NAALADL2: variants seen among roughly 807,000 people sequenced by gnomAD.
NAALADL2 encodes the protein N-acetylated alpha-linked acidic dipeptidase like 2.
In NAALADL2, 76 loss-of-function variants were observed where a neutral mutation model predicts 87.2. The ratio of observed to expected loss-of-function variants is 0.87; its 90% CI spans 0.72 to 1.05. The LOEUF (loss-of-function observed/expected upper bound fraction) is 1.05, where lower values mean the gene tolerates loss of function less well. Among genes scored for constraint, NAALADL2 ranks in the 50% least tolerant of loss-of-function variants. NAALADL2 has a pLI of 0.00. For synonymous variants in NAALADL2, 354 were observed against 331.0 expected, an observed-to-expected ratio of 1.07 and a Z score of -0.75; for missense variants, 1,089 against 945.8, an observed-to-expected ratio of 1.15 and a Z score of -1.99.
chr3:174,578,230 C>T (rs73172564), intron 2 of NAALADL2, among the ~76,000 whole-genome samples: 5,167 of 151,756 alleles, frequency 0.034, 120 homozygotes, highest in East Asian at 0.089. Flanking sequence ...ATATACTTGC[C>T]AAAAAATTCT....
At chr3:174,527,401 C>G (rs373840585) in intron 1 of NAALADL2, among the ~76,000 whole-genome samples, 1 of 151,732 alleles carries the variant, frequency 6.6e-6, no homozygotes, top group East Asian at 2.0e-4. Flanking sequence ...TGACTGTAAT[C>G]CCAGCTACTC....
chr3:174,991,207 G>A (rs140565708), intron 1 of NAALADL2, among the ~76,000 whole-genome samples: 3 of 152,122 alleles, frequency 2.0e-5, no homozygotes, highest in East Asian at 1.9e-4. Context: ...ATTGAGTACC[G>A]CTGTATGCCA....
chr3:174,721,516 T>G (rs577813357), intron 2 of NAALADL2, among the ~76,000 whole-genome samples: 1 of 152,248 alleles, frequency 6.6e-6, no homozygotes, highest in African/African-American at 2.4e-5. Flanking sequence ...CGACTATCCT[T>G]AAAGGAAGAT....
intron 1 of NAALADL2, among the ~76,000 whole-genome samples, chr3:175,044,993 T>C (rs1172054911): frequency 6.6e-6 from 1 of 152,050 alleles, no homozygotes; most frequent in Non-Finnish European, 1.5e-5. Context: ...GGATGATATT[T>C]CAGATGTTTA....
chr3:175,518,175 A>G (rs1425527339), intron 9 of NAALADL2, among the ~76,000 whole-genome samples: 1 of 152,190 alleles, frequency 6.6e-6, no homozygotes, highest in Non-Finnish European at 1.5e-5. Flanking sequence ...AGAAAAGAAA[A>G]TGATTTTGGG....
chr3:174,981,978 A>T (rs1398587329), intron 1 of NAALADL2, among the ~76,000 whole-genome samples: 1 of 152,310 alleles, frequency 6.6e-6, no homozygotes, highest in Admixed American at 6.5e-5. Context: ...TTTATTTAAC[A>T]TCATTTGCTG....
chr3:174,871,179 A>G (rs1175741411), intron 1 of NAALADL2, among the ~76,000 whole-genome samples: 1 of 152,212 alleles, frequency 6.6e-6, no homozygotes, highest in Non-Finnish European at 1.5e-5. Context: ...TTTTTAAACA[A>G]TTGATACTTT....
At chr3:175,460,683 G>A (rs188490149) in intron 6 of NAALADL2, among the ~76,000 whole-genome samples, 3 of 152,232 alleles carry the variant, frequency 2.0e-5, no homozygotes, top group Admixed American at 2.0e-4. Flanking sequence ...ACTGAAGACA[G>A]AATCAACAAT....
chr3:175,368,221 G>A (rs1256898692), intron 5 of NAALADL2, among the ~76,000 whole-genome samples: 1 of 152,102 alleles, frequency 6.6e-6, no homozygotes, highest in Non-Finnish European at 1.5e-5. Context: ...TGATCATGGT[G>A]GATAAGCTTT....
intron 2 of NAALADL2, among the ~76,000 whole-genome samples, chr3:175,124,128 T>A (rs1471254690): frequency 6.6e-6 from 1 of 151,956 alleles, no homozygotes; most frequent in Non-Finnish European, 1.5e-5. Context: ...AATATTTGAC[T>A]TCTTCTGTTT....
intron 9 of NAALADL2, among the ~76,000 whole-genome samples, chr3:175,515,916 T>C (rs1731774775): frequency 6.6e-6 from 1 of 152,238 alleles, no homozygotes; most frequent in African/African-American, 2.4e-5. Context: ...CTTCAATTTT[T>C]ACAGGGGAAA....
chr3:175,251,031 GAAACGAGATTTCTATAA>G (rs921439367), intron 3 of NAALADL2, among the ~76,000 whole-genome samples: 8 of 152,150 alleles, frequency 5.3e-5, no homozygotes, highest in Non-Finnish European at 1.0e-4. Context: ...CCAGATGAGG[GAAACGAGATTTCTATAA>G]AAACGAGGTT....
At chr3:175,483,747 T>C (rs1281720396) in intron 9 of NAALADL2, among the ~76,000 whole-genome samples, 3 of 152,088 alleles carry the variant, frequency 2.0e-5, no homozygotes, top group Admixed American at 1.3e-4. Context: ...AGTCTCAGCA[T>C]TGGGTACTGA....
chr3:175,176,982 G>A (rs761470349), intron 2 of NAALADL2, among the ~76,000 whole-genome samples: 3 of 152,150 alleles, frequency 2.0e-5, no homozygotes, highest in Non-Finnish European at 2.9e-5. Flanking sequence ...ACAATCATTC[G>A]TATATAGAAG....
intron 13 of NAALADL2, among the ~76,000 whole-genome samples, chr3:175,793,080 A>G (rs1450549396): frequency 6.6e-6 from 1 of 152,176 alleles, no homozygotes; most frequent in African/African-American, 2.4e-5. Flanking sequence ...CTTTTGCTTA[A>G]TTAGGACTGT....
intron 1 of NAALADL2, among the ~76,000 whole-genome samples, chr3:175,019,267 T>C (rs780345268): frequency 3.3e-5 from 5 of 152,038 alleles, no homozygotes; most frequent in Non-Finnish European, 7.4e-5. Context: ...TGTCTGCCTA[T>C]ACCTGGTAAG....
At chr3:175,377,410 T>A (rs551638601) in intron 5 of NAALADL2, among the ~76,000 whole-genome samples, 6 of 152,330 alleles carry the variant, frequency 3.9e-5, no homozygotes, top group Non-Finnish European at 8.8e-5. Flanking sequence ...TTGTTCTTAC[T>A]TTTTTCTTAG....
intron 6 of NAALADL2, among the ~76,000 whole-genome samples, chr3:175,459,743 G>C (rs1001049879): frequency 1.3e-5 from 2 of 152,138 alleles, no homozygotes; most frequent in African/African-American, 4.8e-5. Flanking sequence ...ATACCCCAGA[G>C]TGCAGGTTTG....
chr3:174,800,576 G>A (rs1322295096), intron 3 of NAALADL2, among the ~76,000 whole-genome samples: 1 of 152,150 alleles, frequency 6.6e-6, no homozygotes, highest in African/African-American at 2.4e-5. Flanking sequence ...GGAGATGTGG[G>A]TTTGGAGCCC....
Sources: allele counts gnomAD v4.1 joint callset (sites outside exome capture counted in the v4.1 genomes callset), GRCh38; gene constraint gnomAD v4.1.1; transcripts MANE v1.5; gene names NCBI Gene and HGNC (gene_info 2026-07-23, HGNC 2026-07-21).